The following LRMDA variants were observed in gnomAD, a reference collection of about 807,000 sequenced individuals.
The protein encoded by LRMDA is leucine rich melanocyte differentiation associated, also known as leucine-rich melanocyte differentiation-associated protein.
LRMDA carries 18 observed loss-of-function variants against 29.8 expected under a neutral mutation model. The ratio of observed to expected loss-of-function variants is 0.60; its 90% CI spans 0.42 to 0.90. The LOEUF (loss-of-function observed/expected upper bound fraction) is 0.90. LRMDA is among the 40% of genes least tolerant of loss of function. LRMDA has a pLI of 0.00. For missense variants in LRMDA, 273 were observed against 273.9 expected (o/e 1.00, Z 0.02); for synonymous variants, 125 against 109.4 (o/e 1.14, Z -0.89).
chr10:75,682,971 T>G (rs1842042277), intron 2 of LRMDA, among the ~76,000 whole-genome samples: 1 of 152,222 alleles, frequency 6.6e-6, no homozygotes, highest in Non-Finnish European at 1.5e-5. Flanking sequence ...GGGACTTGCC[T>G]GACATTTTAA....
At chr10:76,181,863 G>C (rs1340367930) in intron 5 of LRMDA, among the ~76,000 whole-genome samples, 1 of 152,188 alleles carries the variant, frequency 6.6e-6, no homozygotes, top group Non-Finnish European at 1.5e-5. Flanking sequence ...ACATAATTTA[G>C]CTCCTGCTTG....
At chr10:75,906,398 G>A (rs1845759295) in intron 2 of LRMDA, among the ~76,000 whole-genome samples, 1 of 152,102 alleles carries the variant, frequency 6.6e-6, no homozygotes, top group Non-Finnish European at 1.5e-5. Context: ...GAACACTGAG[G>A]CACAGAAAGG....
chr10:76,243,909 A>G (rs780367884), intron 5 of LRMDA, among the ~76,000 whole-genome samples: 31 of 152,266 alleles, frequency 2.0e-4, no homozygotes, highest in South Asian at 6.2e-4. Context: ...GATCTCAAGA[A>G]AAGATCATCC....
chr10:76,437,963 T>C (rs1842262034), intron 6 of LRMDA, among the ~76,000 whole-genome samples: 1 of 152,200 alleles, frequency 6.6e-6, no homozygotes, highest in South Asian at 2.1e-4. Flanking sequence ...GCAGGGAAGC[T>C]AGTGACTTAT....
At chr10:76,515,693 A>T (rs1843053730) in intron 6 of LRMDA, among the ~76,000 whole-genome samples, 1 of 152,026 alleles carries the variant, frequency 6.6e-6, no homozygotes, top group Non-Finnish European at 1.5e-5. Flanking sequence ...TTTTGTAGAG[A>T]CATAGTTTTT....
chr10:75,456,761 C>T (rs1439838094), intron 2 of LRMDA, among the ~76,000 whole-genome samples: 9 of 152,180 alleles, frequency 5.9e-5, no homozygotes, highest in Non-Finnish European at 1.0e-4. Flanking sequence ...CTGCAACCTC[C>T]GCCTCCCAGG....
intron 2 of LRMDA, among the ~76,000 whole-genome samples, chr10:75,913,106 G>GT (rs933129681): frequency 3.3e-5 from 5 of 152,016 alleles, no homozygotes; most frequent in African/African-American, 9.7e-5. Context: ...ACTGCTAGTA[G>GT]TTTTTTTTCT....
At chr10:76,511,144 T>C (rs749013261) in intron 6 of LRMDA, among the ~76,000 whole-genome samples, 1 of 152,162 alleles carries the variant, frequency 6.6e-6, no homozygotes, top group Non-Finnish European at 1.5e-5. Context: ...ATGCCACACA[T>C]GCATGAAGAG....
At chr10:76,197,836 C>T (rs1236933683) in intron 5 of LRMDA, among the ~76,000 whole-genome samples, 1 of 151,940 alleles carries the variant, frequency 6.6e-6, no homozygotes, top group Admixed American at 6.6e-5. Flanking sequence ...AGAAGAATCG[C>T]TTGAACCCAG....
At chr10:75,948,595 CAG>C (rs989323202) in intron 2 of LRMDA, among the ~76,000 whole-genome samples, 21 of 152,108 alleles carry the variant, frequency 1.4e-4, no homozygotes, top group African/African-American at 5.1e-4. Flanking sequence ...ATGTTGGCGA[CAG>C]ATTAAAAAGA....
intron 2 of LRMDA, among the ~76,000 whole-genome samples, chr10:75,469,602 GTGTT>G (rs1217212010): frequency 1.4e-5 from 2 of 143,074 alleles, no homozygotes; most frequent in Non-Finnish European, 3.0e-5. Context: ...GTGTGTGTGT[GTGTT>G]TGTTGAAGGG....
At chr10:75,853,756 T>C (rs891147888) in intron 2 of LRMDA, among the ~76,000 whole-genome samples, 1 of 152,210 alleles carries the variant, frequency 6.6e-6, no homozygotes, top group African/African-American at 2.4e-5. Flanking sequence ...AGTGATTCCA[T>C]GAGGCATTCT....
intron 2 of LRMDA, among the ~76,000 whole-genome samples, chr10:75,822,990 G>C (rs1461129425): frequency 6.6e-6 from 1 of 152,124 alleles, no homozygotes; most frequent in Admixed American, 6.6e-5. Context: ...GCTCAAGATG[G>C]ATTAAAGACC....
At chr10:76,382,367 T>C (rs764612842) in intron 6 of LRMDA, among the ~76,000 whole-genome samples, 1 of 152,198 alleles carries the variant, frequency 6.6e-6, no homozygotes, top group Non-Finnish European at 1.5e-5. Flanking sequence ...CCTCGATGAT[T>C]TTCCACCAAC....
intron 2 of LRMDA, among the ~76,000 whole-genome samples, chr10:75,749,883 C>T (rs1842933329): frequency 6.6e-6 from 1 of 152,130 alleles, no homozygotes; most frequent in Non-Finnish European, 1.5e-5. Flanking sequence ...CATCTTGCTC[C>T]GCCCTTAATC....
chr10:75,561,079 C>T (rs917292130), intron 2 of LRMDA, among the ~76,000 whole-genome samples: 5 of 151,366 alleles, frequency 3.3e-5, no homozygotes, highest in African/African-American at 1.2e-4. Flanking sequence ...CCCTCTTTTT[C>T]TATTGATTGG....
intron 2 of LRMDA, among the ~76,000 whole-genome samples, chr10:75,804,660 C>T (rs1039784119): frequency 2.6e-5 from 4 of 152,200 alleles, no homozygotes; most frequent in Non-Finnish European, 4.4e-5. Flanking sequence ...GCTGCCATTC[C>T]GAGGCCTGGG....
chr10:75,439,096 G>A (rs1361539175), intron 2 of LRMDA, among the ~76,000 whole-genome samples: 2 of 152,198 alleles, frequency 1.3e-5, no homozygotes, highest in African/African-American at 4.8e-5. Context: ...GCAAAGGTAA[G>A]TGTGATCTTG....
intron 5 of LRMDA, among the ~76,000 whole-genome samples, chr10:76,186,608 T>C (rs1029123788): frequency 6.6e-6 from 1 of 152,206 alleles, no homozygotes; most frequent in South Asian, 2.1e-4. Context: ...GTGGGTACTC[T>C]GTCACTTCTT....
Sources: allele counts gnomAD v4.1 joint callset (sites outside exome capture counted in the v4.1 genomes callset), GRCh38; gene constraint gnomAD v4.1.1; transcripts MANE v1.5; gene names NCBI Gene and HGNC (gene_info 2026-07-23, HGNC 2026-07-21).